Variants in GLYATL1 observed in about 807,000 individuals in gnomAD.
The protein encoded by GLYATL1 is glycine-N-acyltransferase like 1.
Under a neutral mutation model 20.0 loss-of-function variants are expected in GLYATL1, and 15 were observed. That is an observed-to-expected ratio of 0.75 (90% confidence interval 0.50 to 1.15). The LOEUF is 1.15. Among genes scored for constraint, GLYATL1 ranks in the 50% most tolerant of loss-of-function variants. The pLI is 0.00. For synonymous variants in GLYATL1, 151 were observed against 131.5 expected (o/e 1.15, Z -1.01); for missense variants, 380 against 368.5 (o/e 1.03, Z -0.26).
downstream of GLYATL1, among the ~76,000 whole-genome samples, chr11:58,913,131 G>A (rs1320813719): frequency 6.6e-6 from 1 of 152,162 alleles, no homozygotes; most frequent in Admixed American, 6.6e-5. Flanking sequence ...ATGGGGCAGA[G>A]GGAGGGGTGG....
intron 1 of GLYATL1, among the ~76,000 whole-genome samples, chr11:58,913,757 A>T (rs2135099967): frequency 6.6e-6 from 1 of 152,320 alleles, no homozygotes; most frequent in Non-Finnish European, 1.5e-5. Context: ...CTTCTCTGAT[A>T]AGGTGATATC....
At chr11:58,940,719 G>C (rs903287427) in intron 1 of GLYATL1, among the ~76,000 whole-genome samples, 2 of 152,170 alleles carry the variant, frequency 1.3e-5, no homozygotes, top group Admixed American at 6.5e-5. Context: ...AGGTATGAGA[G>C]TTTGGCACAG....
At chr11:58,930,204 G>A (rs1855549521) in intron 1 of GLYATL1, among the ~76,000 whole-genome samples, 1 of 152,082 alleles carries the variant, frequency 6.6e-6, no homozygotes, top group South Asian at 2.1e-4. Context: ...AAATATATAA[G>A]TATAAACATA....
intron 1 of GLYATL1, among the ~76,000 whole-genome samples, chr11:58,919,370 A>G (rs1237239774): frequency 6.6e-6 from 1 of 152,198 alleles, no homozygotes; most frequent in Non-Finnish European, 1.5e-5. Flanking sequence ...GTTTCCTAAC[A>G]AAATTTCTTC....
intron 3 of GLYATL1, 194 bp downstream of exon 3, chr11:58,947,359 A>AG (rs1219932723): frequency 7.0e-6 from 5 of 713,164 alleles, no homozygotes; most frequent in African/African-American, 1.8e-5. Flanking sequence ...TCCACTCTGC[A>AG]GGTTTTGCCA....
chr11:58,951,340 G>A (rs560837), intron 4 of GLYATL1, among the ~76,000 whole-genome samples: 5,968 of 151,886 alleles, frequency 0.039, 378 homozygotes, highest in African/African-American at 0.13. Flanking sequence ...CTATTTTGTC[G>A]TATAACATGT....
chr11:58,908,287 T>C (rs1370733100), exon 2 of GLYATL1: 1 of 152,300 alleles, frequency 6.6e-6, no homozygotes, highest in Admixed American at 6.5e-5. Flanking sequence ...GCATATGATT[T>C]TCTTCTCAGA....
At chr11:58,937,386 A>G (rs1008048232), upstream of GLYATL1, among the ~76,000 whole-genome samples, 1 of 152,222 alleles carries the variant, frequency 6.6e-6, no homozygotes, top group Non-Finnish European at 1.5e-5. Flanking sequence ...TCCTCCTGTC[A>G]TCTCAGAAGC....
chr11:58,920,553 G>T (rs190001146), intron 1 of GLYATL1, among the ~76,000 whole-genome samples: 1 of 152,106 alleles, frequency 6.6e-6, no homozygotes, highest in African/African-American at 2.4e-5. Context: ...GGTCTCCGAG[G>T]GGCTGATCTG....
chr11:58,923,604 G>C (rs762233230), upstream of GLYATL1, among the ~76,000 whole-genome samples: 13 of 152,174 alleles, frequency 8.5e-5, no homozygotes, highest in Non-Finnish European at 1.6e-4. Flanking sequence ...CCTTTTGATT[G>C]AGTTCTAGGA....
At chr11:58,908,778 T>C (rs990946928), downstream of GLYATL1, among the ~76,000 whole-genome samples, 1 of 152,172 alleles carries the variant, frequency 6.6e-6, no homozygotes, top group Non-Finnish European at 1.5e-5. Flanking sequence ...TAACAAACAA[T>C]ATGGACACTT....
upstream of GLYATL1, among the ~76,000 whole-genome samples, chr11:58,924,705 A>T (rs1249262819): frequency 6.6e-6 from 1 of 152,220 alleles, no homozygotes; most frequent in African/African-American, 2.4e-5. Flanking sequence ...CAAGACAATT[A>T]TGAGTACAAT....
chr11:58,954,966 A>T, intron 5 of GLYATL1, 70 bp downstream of exon 5: 1 of 1,475,288 alleles, frequency 6.8e-7, no homozygotes, highest in Non-Finnish European at 9.3e-7. Context: ...CAGCATTAGC[A>T]TCACCTGAGG....
chr11:58,912,748 C>G (rs1855080602), downstream of GLYATL1, among the ~76,000 whole-genome samples: 1 of 152,150 alleles, frequency 6.6e-6, no homozygotes, highest in East Asian at 1.9e-4. Flanking sequence ...TGAAGCCTGG[C>G]CCCTCAGTCA....
chr11:58,953,497 T>C (rs1161036683), intron 4 of GLYATL1, among the ~76,000 whole-genome samples: 2 of 151,890 alleles, frequency 1.3e-5, no homozygotes, highest in African/African-American at 4.8e-5. Context: ...TTTTTGCCAT[T>C]TAAAAATGAA....
At chr11:58,919,763 G>A (rs1382449645) in intron 1 of GLYATL1, among the ~76,000 whole-genome samples, 3 of 152,222 alleles carry the variant, frequency 2.0e-5, no homozygotes, top group Admixed American at 1.3e-4. Context: ...GGCCCCTGCT[G>A]AGGGTTGTTC....
At chr11:58,918,857 G>A (rs1016577220) in intron 1 of GLYATL1, among the ~76,000 whole-genome samples, 3 of 152,326 alleles carry the variant, frequency 2.0e-5, no homozygotes, top group South Asian at 4.1e-4. Context: ...GAGCAAGGCT[G>A]TTGTGGTCCT....
intron 1 of GLYATL1, among the ~76,000 whole-genome samples, chr11:58,941,448 G>A (rs904368466): frequency 1.3e-5 from 2 of 151,982 alleles, no homozygotes; most frequent in South Asian, 4.2e-4. Flanking sequence ...ATCATTTCTG[G>A]ACATTTGGGT....
intron 1 of GLYATL1, among the ~76,000 whole-genome samples, chr11:58,921,029 A>C (rs1434319868): frequency 6.6e-6 from 1 of 152,196 alleles, no homozygotes; most frequent in East Asian, 1.9e-4. Context: ...GGCAGTCCCA[A>C]GTTTGGGGTC....
Sources: allele counts gnomAD v4.1 joint callset (sites outside exome capture counted in the v4.1 genomes callset), GRCh38; gene constraint gnomAD v4.1.1; transcripts MANE v1.5; gene names NCBI Gene and HGNC (gene_info 2026-07-23, HGNC 2026-07-21).